SSR2: variants seen among roughly 807,000 people sequenced by gnomAD.
SSR2 encodes the protein signal sequence receptor subunit 2, also known as translocon-associated protein subunit beta.
A neutral mutation model predicts 22.6 loss-of-function variants in SSR2; 16 were observed. The ratio of observed to expected loss-of-function variants is 0.71; its 90% confidence interval spans 0.48 to 1.08. The LOEUF is 1.08. SSR2 is among the 50% of genes least tolerant of loss of function. The probability of loss-of-function intolerance (pLI) is 0.00; values close to 1 mark genes in which losing one functional copy is unlikely to be tolerated. For synonymous variants in SSR2, 83 were observed against 91.2 expected, an observed-to-expected ratio of 0.91 and a Z score of 0.51; for missense variants, 171 against 221.6, an observed-to-expected ratio of 0.77 and a Z score of 1.45.
At chr1:156,016,562 T>G (rs933330652) in intron 3 of SSR2, among the ~76,000 whole-genome samples, 4 of 149,530 alleles carry the variant, frequency 2.7e-5, no homozygotes, top group Admixed American at 6.8e-5. Flanking sequence ...TTTTGTTAAC[T>G]ATAATTGAAG....
chr1:156,019,925 C>T, intron 2 of SSR2, 88 bp downstream of exon 2: 1 of 1,452,896 alleles, frequency 6.9e-7, no homozygotes, highest in South Asian at 1.3e-5. Flanking sequence ...AAAGAGAAAC[C>T]ACTACCCACC....
chr1:156,015,535 A>T lies in SSR2; in HGVS notation c.255-466T>A, dbSNP rs867307358. 9.0e-3 allele frequency among the ~76,000 whole-genome samples: 421 copies of T among 46,590 alleles called. 1 individual carries two copies. The highest frequency in any genetic ancestry group is 0.012 in the Non-Finnish European group (314 of 26,350). 30.6% of individuals were successfully genotyped at this position (46,590 alleles called of 152,430 possible). On this transcript the variant is annotated intron_variant, in intron 3 of 5. Transcript: ENST00000295702. The stretch of plus-strand genomic sequence containing the variant: ...AAAAAAAAAAAAAAAAAAAAAAAAA[A>T]ATATATATATATATATATATATAGG...
intron 4 of SSR2, chr1:156,012,714 A>G (rs1682996300): frequency 2.6e-6 from 1 of 383,262 alleles, no homozygotes. Flanking sequence ...TCCCTTCCCT[A>G]CTGTGTACTA....
At chr1:156,012,585 C>A in intron 4 of SSR2, 1 of 456,098 alleles carries the variant, frequency 2.2e-6, no homozygotes, top group Non-Finnish European at 4.4e-6. Flanking sequence ...GAAATGATAC[C>A]GGATGTGAAA....
intron 4 of SSR2, chr1:156,013,441 AAAAAAAGAAAAG>A (rs542164909): frequency 2.2e-3 from 342 of 153,450 alleles, no homozygotes; most frequent in African/African-American, 5.1e-3. Flanking sequence ...GAAAAAAAAG[AAAAAAAGAAAAG>A]AAAAAAGAAA....
chr1:156,016,843 C>G (rs1484166544), intron 3 of SSR2, among the ~76,000 whole-genome samples: 2 of 152,092 alleles, frequency 1.3e-5, no homozygotes, highest in African/African-American at 4.8e-5. Flanking sequence ...TAGCACCTCC[C>G]CTCTTACTCT....
chr1:156,013,024 G>T, intron 4 of SSR2: 1 of 153,552 alleles, frequency 6.5e-6, no homozygotes, highest in Admixed American at 6.4e-5. Flanking sequence ...GGTGGGGAGA[G>T]GGAAGATCTA....
chr1:156,016,518 A>G (rs559213945), intron 3 of SSR2, among the ~76,000 whole-genome samples: 9 of 152,118 alleles, frequency 5.9e-5, no homozygotes, highest in East Asian at 1.9e-4. Flanking sequence ...TTACAGGCGT[A>G]AGCCACCGCG....
chr1:156,011,896 A>G lies in SSR2; in HGVS notation c.364-9T>C. On this transcript the variant is annotated splice_polypyrimidine_tract_variant and intron_variant, in intron 4 of 5. Transcript: ENST00000295702. ...GCACTGGTAGAGCCAATCTGAAAAGAAGAAAAGAACGACATTAAGGGAAGT... is the reference window on the plus strand; with the variant it reads ...GCACTGGTAGAGCCAATCTGAAAAGGAGAAAAGAACGACATTAAGGGAAGT... 6.2e-7 allele frequency: 1 copy of G among 1,612,254 alleles called. No homozygotes were observed.
At chr1:156,020,301 G>A (rs1165303775) in intron 1 of SSR2, 134 bp from the exon 2 acceptor site, 1 of 880,980 alleles carries the variant, frequency 1.1e-6, no homozygotes, top group East Asian at 2.7e-5. Flanking sequence ...TAGTCCATAA[G>A]CCACCAGAGC....
intron 4 of SSR2, 27 bp from the exon 5 acceptor site, chr1:156,011,914 A>T: frequency 6.3e-7 from 1 of 1,588,224 alleles, no homozygotes; most frequent in Non-Finnish European, 8.6e-7. Context: ...AACGACATTA[A>T]GGGAAGTCCA....
chr1:156,014,905 G>T, intron 4 of SSR2, 56 bp downstream of exon 4: 1 of 1,415,472 alleles, frequency 7.1e-7, no homozygotes, highest in Non-Finnish European at 9.9e-7. Context: ...CACCACAAGA[G>T]ATTTTAAGGG....
chr1:156,015,505 CAAAAAAAAAAAAAAA>C (rs1169214264), intron 3 of SSR2, among the ~76,000 whole-genome samples: 1 of 41,028 alleles, frequency 2.4e-5, no homozygotes, highest in African/African-American at 1.4e-4. Context: ...GACTCCGCCT[CAAAAAAAAAAAAAAA>C]AAAAAAAAAA....
intron 5 of SSR2, among the ~76,000 whole-genome samples, 155 bp from the exon 6 acceptor site, chr1:156,009,805 G>A (rs551670442): frequency 3.9e-5 from 6 of 152,036 alleles, no homozygotes; most frequent in African/African-American, 7.2e-5. Context: ...ACGGAGTCTC[G>A]CCCTGTCACC....
At position 156,012,274 on chromosome 1, in the gene SSR2, T is replaced by G; in HGVS notation, c.364-387A>C. The G allele has an allele frequency of 1.3e-5, 4 of 306,588 alleles. 1 individual carries two copies. Among genetic ancestry groups the G allele is most frequent in the South Asian group, 1.2e-4 (4 of 33,240 alleles). The allele number at this position is 306,588 out of a possible 1,614,324, so 19.0% of individuals were successfully genotyped here. A position where few individuals can be genotyped will look rare whatever the true frequency, so the allele number is the denominator to read the frequency against. On this transcript the variant is annotated intron_variant, in intron 4 of 5. Coordinates refer to ENST00000295702, the MANE Select transcript of SSR2 (RefSeq NM_003145.4). ...AGGGCAAGGTGTGCGTGGAATGACT[T>G]ACCCTTGGTAATCATTTACTTAATC...
intron 3 of SSR2, among the ~76,000 whole-genome samples, chr1:156,016,709 T>C (rs1187694658): frequency 6.6e-6 from 1 of 152,226 alleles, no homozygotes; most frequent in Admixed American, 6.5e-5. Flanking sequence ...CCAAATCTCA[T>C]GTGGAATTGT....
intron 3 of SSR2, 111 bp from the exon 4 acceptor site, chr1:156,015,180 C>A: frequency 1.3e-6 from 1 of 781,666 alleles, no homozygotes; most frequent in Non-Finnish European, 2.2e-6. Context: ...ATGCTGATCT[C>A]ATGCCGGCAA....
At chr1:156,019,330 AT>A (rs1683110844) in intron 2 of SSR2, 1 of 364,240 alleles carries the variant, frequency 2.7e-6, no homozygotes, top group South Asian at 2.0e-5. Context: ...TTATAAGGGA[AT>A]AAAATGAAAG....
intron 2 of SSR2, 35 bp downstream of exon 2, chr1:156,019,978 T>C (rs745343478): frequency 1.3e-6 from 2 of 1,590,440 alleles, no homozygotes; most frequent in Non-Finnish European, 8.6e-7. Flanking sequence ...AATCCAGAAA[T>C]AGGCTTAATC....
Sources: gnomAD v4.1 joint callset for allele counts (sites outside exome capture counted in the v4.1 genomes callset) on GRCh38, gnomAD v4.1.1 for gene constraint, MANE v1.5 for transcripts, NCBI Gene and HGNC (gene_info 2026-07-23, HGNC 2026-07-21) for gene names.